DUSP22: variants seen among roughly 807,000 people sequenced by gnomAD.
The protein encoded by DUSP22 is dual specificity protein phosphatase 22.
A neutral mutation model predicts 24.5 loss-of-function variants in DUSP22; 24 were observed. The observed-to-expected ratio is 0.98, with a 90% CI of 0.71 to 1.38. DUSP22 has a LOEUF of 1.38. Ranked by LOEUF, DUSP22 falls within the 40% of genes most tolerant of loss-of-function variation. The pLI is 0.00. For synonymous variants in DUSP22, 160 were observed against 106.4 expected, an observed-to-expected ratio of 1.50 and a Z score of -3.10; for missense variants, 330 against 269.2, an observed-to-expected ratio of 1.23 and a Z score of -1.58.
chr6:343,329 G>A (rs1374214807), intron 4 of DUSP22, among the ~76,000 whole-genome samples: 1 of 152,308 alleles, frequency 6.6e-6, no homozygotes, highest in Non-Finnish European at 1.5e-5. Flanking sequence ...TACACCGGGT[G>A]CCTGCCCTCC....
chr6:340,258 G>A (rs1289285082), intron 4 of DUSP22, among the ~76,000 whole-genome samples: 1 of 152,308 alleles, frequency 6.6e-6, no homozygotes. Context: ...ACAAACGTGG[G>A]CTGGTTTTGT....
At chr6:309,218 GT>G (rs1561653553) in intron 2 of DUSP22, among the ~76,000 whole-genome samples, 1 of 152,294 alleles carries the variant, frequency 6.6e-6, no homozygotes, top group African/African-American at 2.4e-5. Flanking sequence ...TGGCTTTGAG[GT>G]AACTATTTAT....
At chr6:301,608 T>G (rs1757583683) in intron 1 of DUSP22, among the ~76,000 whole-genome samples, 1 of 152,304 alleles carries the variant, frequency 6.6e-6, no homozygotes, top group Admixed American at 6.5e-5. Flanking sequence ...AACCCCTGTG[T>G]GAATTGAGGC....
At chr6:330,325 C>T (rs1054845903) in intron 3 of DUSP22, among the ~76,000 whole-genome samples, 4 of 152,302 alleles carry the variant, frequency 2.6e-5, no homozygotes, top group Non-Finnish European at 5.9e-5. Flanking sequence ...CAGTTCTGTC[C>T]TGTAACTGGT....
Position 348,917 on chromosome 6 carries a change from C to T in DUSP22, c.584C>T (p.Pro195Leu), listed in dbSNP as rs201957282. 7,610 of 1,610,170 alleles carry T rather than the reference C, an allele frequency of 4.7e-3. 1 individual carries two copies. Among genetic ancestry groups the T allele is most frequent in the Non-Finnish European group, 5.7e-3 (6,710 of 1,177,336 alleles). The stretch of plus-strand genomic sequence containing the variant: ...TGGAGCAGTTTTCCGGCACTGGCTC[C>T]GCTGACCTACGATAATTATACGACG... ...RRWSSFPALAPLTYDNYTTET is the reference protein window; with the variant it reads ...RRWSSFPALALLTYDNYTTET Residue 195 changes from proline to leucine, a missense_variant, in exon 7 of 7, where the codon CCG becomes CTG. By Grantham distance (98) the Pro-to-Leu change is moderately conservative. Coordinates refer to ENST00000419235, the MANE Select transcript of DUSP22 (RefSeq NM_001286555.3).
chr6:347,820 G>A (rs1403681074), intron 5 of DUSP22, among the ~76,000 whole-genome samples: 1 of 152,306 alleles, frequency 6.6e-6, no homozygotes, highest in African/African-American at 2.4e-5. Context: ...ACCTGAGGAG[G>A]GGCTGAGGAG....
rs1760107528 is a variant in DUSP22 at position 349,873 on chromosome 6, C to CTAAG, written c.*922_*923insTAAG. 1.0e-6 allele frequency: 1 copy of CTAAG among 985,874 alleles called. No homozygotes were observed. The highest frequency in any genetic ancestry group is 1.2e-6 in the Non-Finnish European group (1 of 830,348). 61.1% of individuals were successfully genotyped at this position (985,874 alleles called of 1,614,324 possible). A position where few individuals can be genotyped will look rare whatever the true frequency, so the allele number is the denominator to read the frequency against. ...CGCACTTTAGCCTAAGTTGGGTGCC[C>CTAAG]CAGGGCACCCCCTCCTCTCTGCTCC... On this transcript the variant is annotated 3_prime_UTR_variant, in exon 7 of 7. Transcript: ENST00000419235.
At chr6:330,627 G>A (rs1049743857) in intron 3 of DUSP22, among the ~76,000 whole-genome samples, 3 of 152,296 alleles carry the variant, frequency 2.0e-5, no homozygotes, top group Non-Finnish European at 4.4e-5. Context: ...TACTTTTGGT[G>A]GTTACTATAC....
chr6:294,243 C>T (rs1342041159), intron 1 of DUSP22, among the ~76,000 whole-genome samples: 1 of 152,292 alleles, frequency 6.6e-6, no homozygotes, highest in Non-Finnish European at 1.5e-5. Context: ...TGAATAGAGA[C>T]TCACAGTGTA....
At chr6:324,563 C>T (rs1002511094) in intron 3 of DUSP22, among the ~76,000 whole-genome samples, 5 of 152,304 alleles carry the variant, frequency 3.3e-5, no homozygotes, top group East Asian at 1.9e-4. Context: ...TTCTTTCTGC[C>T]CTGAGCTCCC....
intron 3 of DUSP22, among the ~76,000 whole-genome samples, chr6:322,567 C>T (rs1247341367): frequency 5.9e-5 from 9 of 152,288 alleles, no homozygotes; most frequent in African/African-American, 1.2e-4. Flanking sequence ...GACTAGGTGA[C>T]GTGAATAGCA....
chr6:329,888 G>A (rs1217420954), intron 3 of DUSP22, among the ~76,000 whole-genome samples: 1 of 152,306 alleles, frequency 6.6e-6, no homozygotes, highest in African/African-American at 2.4e-5. Context: ...CAGGGGAGGA[G>A]TGGTTCAAAT....
chr6:337,051 C>T (rs1389436682), intron 4 of DUSP22: 11 of 152,480 alleles, frequency 7.2e-5, no homozygotes, highest in Admixed American at 4.6e-4. Context: ...GGGCTCTGGA[C>T]ATCTGCTGTC....
chr6:332,636 C>T (rs1759189022), intron 3 of DUSP22, among the ~76,000 whole-genome samples: 1 of 148,748 alleles, frequency 6.7e-6, no homozygotes, highest in Non-Finnish European at 1.5e-5. Context: ...CATTCTCTTC[C>T]TGTCCTTCTT....
chr6:314,903 G>C (rs926717783), intron 3 of DUSP22, among the ~76,000 whole-genome samples: 3 of 152,300 alleles, frequency 2.0e-5, no homozygotes, highest in Admixed American at 1.3e-4. Flanking sequence ...TTTGTTGGGG[G>C]TTGGGGTTTC....
chr6:293,082 A>G (rs1336131752), intron 1 of DUSP22, among the ~76,000 whole-genome samples: 1 of 152,296 alleles, frequency 6.6e-6, no homozygotes, highest in African/African-American at 2.4e-5. Flanking sequence ...AGCTGTTTCT[A>G]GATAGTGGGG....
intron 1 of DUSP22, among the ~76,000 whole-genome samples, chr6:303,307 T>C (rs1757668708): frequency 6.6e-6 from 1 of 152,304 alleles, no homozygotes. Flanking sequence ...CAAAGCCTCT[T>C]TTCATTCTTG....
At chr6:317,877 C>T (rs909933605) in intron 3 of DUSP22, among the ~76,000 whole-genome samples, 2 of 152,302 alleles carry the variant, frequency 1.3e-5, no homozygotes, top group South Asian at 4.1e-4. Context: ...CGCATTTAGC[C>T]CCGTTCCAAA....
At chr6:348,747 G>C (rs763630520) in intron 6 of DUSP22, 22 bp from the exon 7 acceptor site, 1 of 1,614,040 alleles carries the variant, frequency 6.2e-7, no homozygotes, top group Non-Finnish European at 8.5e-7. Context: ...TGACGTTTCG[G>C]GTTTGTTTCC....
Sources: gnomAD v4.1 joint callset for allele counts (sites outside exome capture counted in the v4.1 genomes callset) on GRCh38, gnomAD v4.1.1 for gene constraint, MANE v1.5 for transcripts, NCBI Gene and HGNC (gene_info 2026-07-23, HGNC 2026-07-21) for gene names.